The following CHRNA7 variants were observed in gnomAD, a reference collection of about 807,000 sequenced individuals.
CHRNA7 encodes neuronal acetylcholine receptor subunit alpha-7.
CHRNA7 carries 17 observed loss-of-function variants against 48.0 expected under a neutral mutation model. That is an observed-to-expected ratio of 0.35 (90% CI 0.24 to 0.53). The LOEUF (loss-of-function observed/expected upper bound fraction) is 0.53. CHRNA7 is among the 20% of genes least tolerant of loss of function. CHRNA7 has a pLI of 0.92. For missense variants in CHRNA7, 155 were observed against 577.7 expected (o/e 0.27, Z 7.50); for synonymous variants, 75 against 242.3 (o/e 0.31, Z 6.41).
At chr15:32,049,025 G>GTCTGAAAGACAGTGTGTTATAATT (rs1457140245) in intron 2 of CHRNA7, among the ~76,000 whole-genome samples, 1 of 102,042 alleles carries the variant, frequency 9.8e-6, no homozygotes, top group African/African-American at 5.5e-5. Flanking sequence ...TTGCACTGTG[G>GTCTGAAAGACAGTGTGTTATAATT]TCTGTTCTTT....
At chr15:32,133,018 C>T (rs376352396) in intron 4 of CHRNA7, among the ~76,000 whole-genome samples, 2 of 152,276 alleles carry the variant, frequency 1.3e-5, no homozygotes, top group East Asian at 3.9e-4. Flanking sequence ...GTGTAGGAGG[C>T]TCTCAAGGCT....
chr15:32,135,769 T>C (rs1595486273), intron 4 of CHRNA7, among the ~76,000 whole-genome samples: 1 of 152,182 alleles, frequency 6.6e-6, no homozygotes, highest in African/African-American at 2.4e-5. Flanking sequence ...CCAAGACATA[T>C]TGTGCAAAAA....
Position 32,054,505 on chromosome 15 carries a change from A to G in CHRNA7, c.195+23468A>G, listed in dbSNP as rs367612459. On this transcript the variant is annotated intron_variant, in intron 2 of 9. Coordinates refer to ENST00000306901, the MANE Select transcript of CHRNA7 (RefSeq NM_000746.6). ...TATACACTAATGTGGCACGATATCA[A>G]AACCAATTCAGTGGGTTACCACAAA... Among the ~76,000 whole-genome samples, 102 of 152,320 alleles carry G rather than the reference A, an allele frequency of 6.7e-4. No homozygotes were observed. The South Asian group carries it at 0.02, about 30-fold the overall frequency.
chr15:32,087,128 T>C (rs533948849), intron 2 of CHRNA7, among the ~76,000 whole-genome samples: 11 of 152,192 alleles, frequency 7.2e-5, no homozygotes, highest in Non-Finnish European at 1.6e-4. Context: ...CATGGAGAGT[T>C]TGCCTCCTTC....
chr15:32,136,288 C>G (rs1329772962), intron 4 of CHRNA7, among the ~76,000 whole-genome samples: 1 of 151,902 alleles, frequency 6.6e-6, no homozygotes. Context: ...GTCAGGAGTT[C>G]GAGACCAGCC....
intron 2 of CHRNA7, among the ~76,000 whole-genome samples, chr15:32,058,151 TTGAAGA>T (rs1360955190): frequency 6.6e-6 from 1 of 152,168 alleles, no homozygotes; most frequent in Non-Finnish European, 1.5e-5. Flanking sequence ...TATCATGCTG[TTGAAGA>T]TGATGTGTGG....
intron 2 of CHRNA7, among the ~76,000 whole-genome samples, chr15:32,036,773 G>GTT (rs1248959692): frequency 3.6e-5 from 1 of 27,682 alleles, no homozygotes; most frequent in African/African-American, 8.2e-5. Context: ...GTTTTCAGTG[G>GTT]GTTTTTTTTT....
chr15:32,062,513 A>T (rs1485950160), intron 2 of CHRNA7, among the ~76,000 whole-genome samples: 1 of 152,130 alleles, frequency 6.6e-6, no homozygotes, highest in Non-Finnish European at 1.5e-5. Flanking sequence ...CCATGTTCAG[A>T]CACGTGGATC....
At chr15:32,144,264 G>T (rs1195153567) in intron 4 of CHRNA7, among the ~76,000 whole-genome samples, 1 of 152,172 alleles carries the variant, frequency 6.6e-6, no homozygotes, top group Non-Finnish European at 1.5e-5. Flanking sequence ...TGGCTTGTAG[G>T]GTTTCTGCCG....
intron 2 of CHRNA7, among the ~76,000 whole-genome samples, chr15:32,084,212 A>C (rs893116666): frequency 6.6e-6 from 1 of 152,238 alleles, no homozygotes; most frequent in African/African-American, 2.4e-5. Flanking sequence ...AAGTTTAATC[A>C]GATTCTACAG....
At chr15:32,048,538 C>A (rs374340268) in intron 2 of CHRNA7, among the ~76,000 whole-genome samples, 1 of 151,870 alleles carries the variant, frequency 6.6e-6, no homozygotes, top group African/African-American at 2.4e-5. Flanking sequence ...TTTTTTATTG[C>A]GTCTATTTGA....
intron 4 of CHRNA7, among the ~76,000 whole-genome samples, chr15:32,144,094 G>A (rs1282164333): frequency 1.3e-5 from 2 of 152,308 alleles, no homozygotes; most frequent in East Asian, 3.9e-4. Context: ...TCCTTCAGGA[G>A]CTCTTGTAAG....
At chr15:32,067,516 A>G (rs2049985433) in intron 2 of CHRNA7, among the ~76,000 whole-genome samples, 1 of 152,234 alleles carries the variant, frequency 6.6e-6, no homozygotes, top group Non-Finnish European at 1.5e-5. Flanking sequence ...GCAAGAAAAT[A>G]CTGAAGAGTA....
At chr15:32,075,672 A>G (rs954201145) in intron 2 of CHRNA7, among the ~76,000 whole-genome samples, 1 of 151,444 alleles carries the variant, frequency 6.6e-6, no homozygotes, top group African/African-American at 2.4e-5. Flanking sequence ...GATTTTCTCT[A>G]TTGCTTGCTT....
intron 4 of CHRNA7, among the ~76,000 whole-genome samples, chr15:32,143,281 A>G (rs538290166): frequency 6.6e-6 from 1 of 152,322 alleles, no homozygotes; most frequent in South Asian, 2.1e-4. Context: ...CTGTGGTCTG[A>G]GAGACAGTTT....
intron 4 of CHRNA7, among the ~76,000 whole-genome samples, chr15:32,129,330 A>G (rs999277663): frequency 6.6e-6 from 1 of 151,938 alleles, no homozygotes; most frequent in Non-Finnish European, 1.5e-5. Flanking sequence ...TAGAATTGAT[A>G]TTAATTCTTC....
intron 2 of CHRNA7, among the ~76,000 whole-genome samples, chr15:32,096,177 C>T (rs889020562): frequency 1.3e-5 from 2 of 152,250 alleles, no homozygotes; most frequent in South Asian, 2.1e-4. Flanking sequence ...AGCCAAAATG[C>T]GTTGTTTGCG....
intron 2 of CHRNA7, among the ~76,000 whole-genome samples, chr15:32,044,331 G>A (rs2141175144): frequency 6.7e-6 from 1 of 148,410 alleles, no homozygotes; most frequent in Non-Finnish European, 1.5e-5. Context: ...AGGTTGGAGT[G>A]CAATGGCACG....
At chr15:32,035,360 G>T (rs1902034197) in intron 2 of CHRNA7, among the ~76,000 whole-genome samples, 1 of 152,160 alleles carries the variant, frequency 6.6e-6, no homozygotes, top group Non-Finnish European at 1.5e-5. Flanking sequence ...TATGAAGCAT[G>T]TCCAGAAGTC....
Sources: gnomAD v4.1 joint callset for allele counts (sites outside exome capture counted in the v4.1 genomes callset) on GRCh38, gnomAD v4.1.1 for gene constraint, MANE v1.5 for transcripts, NCBI Gene and HGNC (gene_info 2026-07-23, HGNC 2026-07-21) for gene names.